LRRC49: variants seen among roughly 807,000 people sequenced by gnomAD.
LRRC49 encodes the protein leucine-rich repeat-containing protein 49.
A neutral mutation model predicts 83.3 loss-of-function variants in LRRC49; 50 were observed. That is an observed-to-expected ratio of 0.60 (90% CI 0.48 to 0.76). The LOEUF (loss-of-function observed/expected upper bound fraction) is 0.76, where lower values mean the gene tolerates loss of function less well. LRRC49 is among the 30% of genes least tolerant of loss of function. The pLI, the probability that LRRC49 is intolerant of heterozygous loss-of-function variation, is 0.00. For synonymous variants in LRRC49, 286 were observed against 283.3 expected, an observed-to-expected ratio of 1.01 and a Z score of -0.10; for missense variants, 704 against 809.1, an observed-to-expected ratio of 0.87 and a Z score of 1.58.
At chr15:70,997,612 G>A (rs912692799) in intron 11 of LRRC49, among the ~76,000 whole-genome samples, 5 of 152,264 alleles carry the variant, frequency 3.3e-5, no homozygotes, top group South Asian at 2.1e-4. Context: ...TTAGCCAAGC[G>A]TGGTGGTGCA....
At chr15:71,005,308 C>T (rs904872916) in intron 11 of LRRC49, among the ~76,000 whole-genome samples, 1 of 151,876 alleles carries the variant, frequency 6.6e-6, no homozygotes, top group Non-Finnish European at 1.5e-5. Flanking sequence ...CTCTGTGTTC[C>T]CTTAGCATAT....
At chr15:70,893,084 G>A in intron 1 of LRRC49, 142 bp downstream of exon 1, 2 of 931,474 alleles carry the variant, frequency 2.1e-6, no homozygotes, top group Non-Finnish European at 3.5e-6. Flanking sequence ...TTTGAGGTTC[G>A]TGGGCTGGAC....
intron 11 of LRRC49, among the ~76,000 whole-genome samples, chr15:70,989,079 T>A (rs2037753936): frequency 6.6e-6 from 1 of 152,228 alleles, no homozygotes; most frequent in Non-Finnish European, 1.5e-5. Flanking sequence ...ATTTTTTCCT[T>A]CATTTCAACT....
intron 14 of LRRC49, among the ~76,000 whole-genome samples, chr15:71,026,712 T>G (rs1266705966): frequency 6.6e-6 from 1 of 152,246 alleles, no homozygotes; most frequent in Non-Finnish European, 1.5e-5. Flanking sequence ...CTTTTTTTCA[T>G]GTGTTTGTTG....
At chr15:70,904,408 C>T (rs773188715) in intron 4 of LRRC49, 144 bp from the exon 5 acceptor site, 9 of 520,554 alleles carry the variant, frequency 1.7e-5, no homozygotes, top group African/African-American at 1.9e-5. Context: ...AAATATAGGT[C>T]GCTTAGTTCA....
At chr15:70,892,293 G>A, upstream of LRRC49, 2 of 1,552,284 alleles carry the variant, frequency 1.3e-6, no homozygotes, top group African/African-American at 1.4e-5. Context: ...TTCGGTGCGC[G>A]GGAGCCGGGT....
chr15:70,907,797 T>G (rs1229989963), intron 5 of LRRC49: 2 of 361,902 alleles, frequency 5.5e-6, no homozygotes, highest in African/African-American at 4.3e-5. Context: ...TTTTCTAGTT[T>G]CAGTTTCTAT....
In LRRC49 at chr15:70,984,160, A is replaced by G; in HGVS notation, c.1072A>G (p.Asn358Asp). 6.2e-7 allele frequency: 1 copy of G among 1,613,400 alleles called. No individual in the cohort carries two copies. Among genetic ancestry groups the G allele is most frequent in the Non-Finnish European group, 8.5e-7 (1 of 1,179,508 alleles). Residue 358 changes from asparagine to aspartate, a missense_variant, in exon 11 of 16, where the codon AAT (asparagine) becomes GAT (aspartate). Physicochemically the swap from Asn to Asp is conservative, Grantham distance 23. This residue lies in a region of LRRC49 where 168 missense variants were observed against 140.6 expected (regional missense o/e 1.20). Coordinates refer to ENST00000260382, the MANE Select transcript of LRRC49 (RefSeq NM_017691.5). The stretch of plus-strand genomic sequence containing the variant: ...GGACTTGCAACAACAACGAGTAGCC[A>G]ATATTGCTACAAATGAAGATAGAAA... ...QWDLQQQRVA[N>D]IATNEDRKDS...
chr15:70,914,813 C>T (rs1046939701), intron 6 of LRRC49, among the ~76,000 whole-genome samples: 1 of 152,168 alleles, frequency 6.6e-6, no homozygotes, highest in African/African-American at 2.4e-5. Flanking sequence ...CCTGCTATTT[C>T]TGTGGCTGCT....
intron 1 of LRRC49, among the ~76,000 whole-genome samples, chr15:70,867,969 G>A (rs147885354): frequency 2.0e-5 from 3 of 152,202 alleles, no homozygotes; most frequent in East Asian, 1.9e-4. Flanking sequence ...CAGATGCTCC[G>A]GCAGCTCCGT....
intron 15 of LRRC49, among the ~76,000 whole-genome samples, chr15:71,044,804 A>T (rs1021193395): frequency 3.3e-5 from 5 of 151,946 alleles, no homozygotes; most frequent in Non-Finnish European, 4.4e-5. Flanking sequence ...AAATTAATTT[A>T]AAAAATCATA....
At chr15:70,963,275 C>CAAAAAA (rs765094754) in intron 8 of LRRC49, among the ~76,000 whole-genome samples, 1 of 70,448 alleles carries the variant, frequency 1.4e-5, no homozygotes, top group Admixed American at 1.5e-4. Flanking sequence ...GACCTGGTCT[C>CAAAAAA]AAAAAAAAAA....
At chr15:70,867,636 G>C (rs2032940885) in intron 1 of LRRC49, among the ~76,000 whole-genome samples, 1 of 152,140 alleles carries the variant, frequency 6.6e-6, no homozygotes, top group South Asian at 2.1e-4. Context: ...AATCTATGCT[G>C]TTCCCATTAT....
At chr15:70,882,687 C>T (rs780804830) in intron 2 of LRRC49, 1 of 1,611,276 alleles carries the variant, frequency 6.2e-7, no homozygotes, top group Non-Finnish European at 8.5e-7. Context: ...ATGAGTTAGA[C>T]TTTGCTTTTC....
chr15:70,997,133 G>T (rs2038100067), intron 11 of LRRC49, among the ~76,000 whole-genome samples: 1 of 152,100 alleles, frequency 6.6e-6, no homozygotes, highest in Admixed American at 6.6e-5. Context: ...ATTATTGAAG[G>T]TAGGGTATTG....
intron 1 of LRRC49, among the ~76,000 whole-genome samples, chr15:70,855,334 C>CAA (rs1248762528): frequency 2.7e-3 from 158 of 59,130 alleles, no homozygotes; most frequent in East Asian, 8.0e-3. Flanking sequence ...GACTCCGTCT[C>CAA]AAAAAAAAAA....
chr15:71,006,441 C>G (rs1418600435), intron 11 of LRRC49, among the ~76,000 whole-genome samples: 7 of 152,236 alleles, frequency 4.6e-5, no homozygotes, highest in African/African-American at 1.7e-4. Context: ...TTGCTGGTTA[C>G]TGTGGCCATC....
Position 70,967,135 on chromosome 15 carries a change from C to A in LRRC49, c.921+3203C>A, listed in dbSNP as rs1434995956. On this transcript the variant is annotated intron_variant, in intron 9 of 15. Coordinates refer to ENST00000260382, the MANE Select transcript of LRRC49 (RefSeq NM_017691.5). ...AAGGCATGCAAAATGCAGAAGGAAG[C>A]TGAGAGAATATAGCAGCTGACAGGA... Among the ~76,000 whole-genome samples, 6 of 152,152 alleles carry A rather than the reference C, an allele frequency of 3.9e-5. No individual in the cohort carries two copies. In the East Asian group the frequency reaches 1.2e-3, roughly 29 times the overall value.
Position 71,023,228 on chromosome 15 carries a change from AT to A in LRRC49, c.1703+10316del, listed in dbSNP as rs139136895. On this transcript the variant is annotated intron_variant, in intron 14 of 15. Coordinates refer to ENST00000260382, the MANE Select transcript of LRRC49 (RefSeq NM_017691.5). ...TGAAAGTGAATGCGCTAAAACACTT[AT>A]CTCACCAAGATAGCAAAAGAGCAGC... Among the ~76,000 whole-genome samples, 276 of 152,368 alleles carry A rather than the reference AT, an allele frequency of 1.8e-3. 1 individual carries two copies. Among genetic ancestry groups the A allele is most frequent in the African/African-American group, 6.5e-3 (272 of 41,588 alleles).
Sources: gnomAD v4.1 joint callset for allele counts (sites outside exome capture counted in the v4.1 genomes callset) on GRCh38, gnomAD v4.1.1 for gene constraint, gnomAD v4.1.1 regional missense constraint, MANE v1.5 for transcripts, NCBI Gene and HGNC (gene_info 2026-07-23, HGNC 2026-07-21) for gene names.